The following RPTOR variants were observed in gnomAD, a reference collection of about 807,000 sequenced individuals.
RPTOR encodes the protein regulatory associated protein of MTOR complex 1, also known as regulatory-associated protein of mTOR.
Under a neutral mutation model 169.9 loss-of-function variants are expected in RPTOR, and 21 were observed. The ratio of observed to expected loss-of-function variants is 0.12; its 90% CI spans 0.09 to 0.18. RPTOR has a LOEUF of 0.18. Among genes scored for constraint, RPTOR ranks in the 10% least tolerant of loss-of-function variants. The pLI, the probability that RPTOR is intolerant of heterozygous loss-of-function variation, is 1.00. For synonymous variants in RPTOR, 732 were observed against 753.2 expected, an observed-to-expected ratio of 0.97 and a Z score of 0.46; for missense variants, 1,133 against 1,855.9, an observed-to-expected ratio of 0.61 and a Z score of 7.16.
chr17:80,573,064 C>T (rs1309221404), intron 1 of RPTOR, among the ~76,000 whole-genome samples: 4 of 152,102 alleles, frequency 2.6e-5, no homozygotes, highest in Non-Finnish European at 5.9e-5. Flanking sequence ...CCTTCTTCCT[C>T]AGTTGCAGTG....
intron 6 of RPTOR, among the ~76,000 whole-genome samples, chr17:80,764,222 T>A (rs1037633484): frequency 9.2e-5 from 14 of 151,584 alleles, no homozygotes; most frequent in Admixed American, 7.9e-4. Context: ...ATGTGCAGGT[T>A]ACATATGTAT....
rs1361315667 is a variant in RPTOR at position 80,844,364 on chromosome 17, T to A, written c.1213-2109T>A. The stretch of plus-strand genomic sequence containing the variant: ...GTAGTGACTCCAGCAGTGAGGAACA[T>A]GTGAAAATCCATCAGGCAAAGCTAA... On this transcript the variant is annotated intron_variant, in intron 10 of 33. Coordinates refer to ENST00000306801, the MANE Select transcript of RPTOR (RefSeq NM_020761.3). The surrounding 1 kb of genome is among the most constrained non-coding windows in gnomAD (Gnocchi z 4.7). Among the ~76,000 whole-genome samples, 1 of 152,172 alleles carries A rather than the reference T, an allele frequency of 6.6e-6. No homozygotes were observed. The highest frequency in any genetic ancestry group is 1.5e-5 in the Non-Finnish European group (1 of 68,018).
chr17:80,866,752 CT>C (rs547977888), intron 13 of RPTOR, among the ~76,000 whole-genome samples: 10 of 148,500 alleles, frequency 6.7e-5, no homozygotes, highest in Non-Finnish European at 1.2e-4. Flanking sequence ...CACTATGCTT[CT>C]TTTTTTTTTA....
intron 21 of RPTOR, among the ~76,000 whole-genome samples, chr17:80,916,178 G>A (rs1056415137): frequency 3.3e-5 from 5 of 152,190 alleles, no homozygotes; most frequent in Non-Finnish European, 7.3e-5. Context: ...ATGACAAGAA[G>A]GAGAGAAGAG....
chr17:80,564,075 T>G (rs1013642764), intron 1 of RPTOR, among the ~76,000 whole-genome samples: 37 of 151,888 alleles, frequency 2.4e-4, no homozygotes, highest in Admixed American at 4.6e-4. Flanking sequence ...TCTTTTTTTT[T>G]TTTTGGAGAC....
intron 11 of RPTOR, among the ~76,000 whole-genome samples, chr17:80,852,020 G>T (rs1598353361): frequency 6.6e-6 from 1 of 152,040 alleles, no homozygotes; most frequent in East Asian, 1.9e-4. Context: ...CCTCTCCCTG[G>T]GTCATCTAGA....
intron 17 of RPTOR, among the ~76,000 whole-genome samples, chr17:80,889,270 A>C (rs1292564576): frequency 6.6e-6 from 1 of 152,220 alleles, no homozygotes; most frequent in Admixed American, 6.5e-5. Flanking sequence ...GCCAGCCATG[A>C]AGGAGCAGGT....
At chr17:80,890,891 C>T (rs2068313981) in intron 17 of RPTOR, among the ~76,000 whole-genome samples, 2 of 152,112 alleles carry the variant, frequency 1.3e-5, no homozygotes, top group Non-Finnish European at 2.9e-5. Flanking sequence ...AGAGCCTGCT[C>T]ATCCAGCCGC....
In RPTOR at chr17:80,823,247, G is replaced by C; in HGVS notation, c.1136+24G>C. On this transcript the variant is annotated intron_variant, in intron 9 of 33. Coordinates refer to ENST00000306801, the MANE Select transcript of RPTOR (RefSeq NM_020761.3). This position sits in a 1 kb window ranked among gnomAD's most constrained non-coding sequence, Gnocchi z 4.5. ...TGGTGAGTGTTTCAGGATCCTCCAG[G>C]TGCCGTGCTCCCCCGCCCTCCGTGG... The C allele has an allele frequency of 6.2e-7, 1 of 1,610,406 alleles. No homozygotes were observed. The highest frequency in any genetic ancestry group is 8.5e-7 in the Non-Finnish European group (1 of 1,177,236).
chr17:80,909,953 T>C (rs1321996251), intron 21 of RPTOR: 1 of 152,242 alleles, frequency 6.6e-6, no homozygotes, highest in African/African-American at 2.4e-5. Context: ...CTTTGGGGAC[T>C]GTAAACTCTT....
chr17:80,844,981 T>C lies in RPTOR; in HGVS notation c.1213-1492T>C, dbSNP rs1252887722. ...GGAGAGAGAGGCTGGTAGTTGTTTT[T>C]TTTTTTTTCTTTAATTCTTTGTATC... On this transcript the variant is annotated intron_variant, in intron 10 of 33. Transcript: ENST00000306801. This position sits in a 1 kb window ranked among gnomAD's most constrained non-coding sequence, Gnocchi z 4.7. Among the ~76,000 whole-genome samples, 1 of 151,004 alleles carries C rather than the reference T, an allele frequency of 6.6e-6. No individual in the cohort carries two copies.
At position 80,731,607 on chromosome 17, in the gene RPTOR, G is replaced by A. The variant is rs1043779504; in HGVS notation, c.654+901G>A. On this transcript the variant is annotated intron_variant, in intron 5 of 33. Transcript: ENST00000306801. ...GAGGACAAATTGAAGAGGCAGTTTC[G>A]ATTAAGAGGCCTCCATCTTGTGGCC... Among the ~76,000 whole-genome samples the A allele has an allele frequency of 5.3e-5, 8 of 152,282 alleles. No homozygotes were observed. In the South Asian group the frequency reaches 1.0e-3, roughly 20 times the overall value.
intron 2 of RPTOR, among the ~76,000 whole-genome samples, chr17:80,628,204 G>T (rs1177929220): frequency 6.6e-6 from 1 of 152,112 alleles, no homozygotes; most frequent in Admixed American, 6.6e-5. Flanking sequence ...TAAAAATAAT[G>T]AATGTCTTTT....
intron 4 of RPTOR, among the ~76,000 whole-genome samples, chr17:80,723,690 A>G (rs1288754076): frequency 1.3e-5 from 2 of 151,272 alleles, no homozygotes; most frequent in African/African-American, 2.5e-5. Flanking sequence ...TACTAGGCCT[A>G]GGCCCTCTCC....
chr17:80,649,240 T>C (rs1389560432), intron 3 of RPTOR, among the ~76,000 whole-genome samples: 1 of 152,212 alleles, frequency 6.6e-6, no homozygotes, highest in Non-Finnish European at 1.5e-5. Flanking sequence ...AGGTGGACCG[T>C]TACTCGCTGT....
At position 80,803,698 on chromosome 17, in the gene RPTOR, TC is replaced by T. The variant is rs1387807438; in HGVS notation, c.890+12191del. 1 of 152,292 alleles carries T rather than the reference TC, an allele frequency of 6.6e-6. No homozygotes were observed. Among genetic ancestry groups the T allele is most frequent in the East Asian group, 1.9e-4 (1 of 5,204 alleles). The allele number at this position is 152,292 out of a possible 1,614,324, so 9.4% of individuals were successfully genotyped here. A position where few individuals can be genotyped will look rare whatever the true frequency, so the allele number is the denominator to read the frequency against. On this transcript the variant is annotated intron_variant, in intron 7 of 33. Coordinates refer to ENST00000306801, the MANE Select transcript of RPTOR (RefSeq NM_020761.3). The surrounding 1 kb of genome is among the most constrained non-coding windows in gnomAD (Gnocchi z 6.2). Reference sequence around the variant, plus strand: ...CGGACTGGCTGTGTGCTAGGGCCTGTCCGAGGCTCTGGAGCCAAGTCCTTGC... The same window carrying T: ...CGGACTGGCTGTGTGCTAGGGCCTGTCGAGGCTCTGGAGCCAAGTCCTTGC...
At chr17:80,645,927 G>A (rs1367943982) in intron 3 of RPTOR, among the ~76,000 whole-genome samples, 3 of 152,216 alleles carry the variant, frequency 2.0e-5, no homozygotes, top group Admixed American at 6.5e-5. Context: ...ATTTGTTAAA[G>A]TTGGCCAGAT....
At chr17:80,887,003 T>C (rs934927126) in intron 17 of RPTOR, among the ~76,000 whole-genome samples, 2 of 151,696 alleles carry the variant, frequency 1.3e-5, no homozygotes, top group African/African-American at 4.8e-5. Flanking sequence ...GCGGGAAGGG[T>C]GTCAGCAGAG....
chr17:80,952,502 C>T (rs558780079), intron 28 of RPTOR, among the ~76,000 whole-genome samples: 1 of 152,338 alleles, frequency 6.6e-6, no homozygotes, highest in East Asian at 1.9e-4. Flanking sequence ...GCCCCAGCCC[C>T]CACTCGCCTC....
Sources: allele counts gnomAD v4.1 joint callset (sites outside exome capture counted in the v4.1 genomes callset), GRCh38; gene constraint gnomAD v4.1.1; non-coding constraint Gnocchi (gnomAD v3.1); transcripts MANE v1.5; gene names NCBI Gene and HGNC (gene_info 2026-07-23, HGNC 2026-07-21).